The following EGF variants were observed in gnomAD, a reference collection of about 807,000 sequenced individuals.
EGF encodes the protein pro-epidermal growth factor.
EGF carries 95 observed loss-of-function variants against 143.8 expected under a neutral mutation model. That is an observed-to-expected ratio of 0.66 (90% CI 0.56 to 0.78). The LOEUF is 0.78. Among genes scored for constraint, EGF ranks in the 30% least tolerant of loss-of-function variants. The pLI is 0.00. For synonymous variants in EGF, 510 were observed against 510.5 expected, an observed-to-expected ratio of 1.00 and a Z score of 0.01; for missense variants, 1,320 against 1,470.9, an observed-to-expected ratio of 0.90 and a Z score of 1.68.
chr4:109,962,160 C>CT (rs1745808160), intron 8 of EGF, among the ~76,000 whole-genome samples, 175 bp downstream of exon 8: 6 of 152,120 alleles, frequency 3.9e-5, no homozygotes, highest in Admixed American at 2.0e-4. Flanking sequence ...GGGTTTTTGG[C>CT]TTTTTTGTTT....
At chr4:109,970,195 G>A (rs1178096776) in intron 11 of EGF, among the ~76,000 whole-genome samples, 1 of 152,172 alleles carries the variant, frequency 6.6e-6, no homozygotes, top group African/African-American at 2.4e-5. Flanking sequence ...ATGGCAGGAA[G>A]CAGGAAGGAA....
chr4:109,913,693 T>C (rs549158162), intron 1 of EGF, among the ~76,000 whole-genome samples: 1 of 152,242 alleles, frequency 6.6e-6, no homozygotes, highest in Admixed American at 6.5e-5. Context: ...TATAAGTGAA[T>C]GAATATGCCT....
At chr4:109,916,517 G>A (rs1254629985) in intron 1 of EGF, among the ~76,000 whole-genome samples, 2 of 152,048 alleles carry the variant, frequency 1.3e-5, no homozygotes, top group African/African-American at 2.4e-5. Flanking sequence ...TTGCGTTAAT[G>A]TATTCATTTT....
chr4:110,004,230 ACACACACACACACACACACACAAACACAC>A, intron 21 of EGF: 1 of 460,420 alleles, frequency 2.2e-6, no homozygotes. Context: ...ACACACACAC[ACACACACACACACACACACACAAACACAC>A]ACACACCCTC....
At chr4:109,933,015 C>G (rs908988556) in intron 1 of EGF, among the ~76,000 whole-genome samples, 1 of 152,218 alleles carries the variant, frequency 6.6e-6, no homozygotes, top group Admixed American at 6.5e-5. Flanking sequence ...GTAGTGAAAA[C>G]TTGTTTCTGG....
chr4:109,940,776 G>A, intron 1 of EGF, 170 bp from the exon 2 acceptor site: 1 of 642,768 alleles, frequency 1.6e-6, no homozygotes, highest in Non-Finnish European at 2.7e-6. Flanking sequence ...ACAAAGTGGA[G>A]TGTGAATATC....
chr4:110,012,368 T>C lies in EGF; in HGVS notation c.*913T>C, dbSNP rs1578424741. ...AGCTTGCTGATGTTTCTGTTTTTCGTTTTTTTTTTTTTTCCGGAGAGAGGA... is the reference window on the plus strand; with the variant it reads ...AGCTTGCTGATGTTTCTGTTTTTCGCTTTTTTTTTTTTTCCGGAGAGAGGA... On this transcript the variant is annotated 3_prime_UTR_variant, in exon 24 of 24. Transcript: ENST00000265171. 1 of 39,628 alleles carries C rather than the reference T, an allele frequency of 2.5e-5. No homozygotes were observed. Among genetic ancestry groups the C allele is most frequent in the Admixed American group, 2.8e-4 (1 of 3,594 alleles). The allele number at this position is 39,628 out of a possible 1,614,324, so 2.5% of individuals were successfully genotyped here.
intron 14 of EGF, among the ~76,000 whole-genome samples, chr4:109,980,401 C>T (rs1309875352): frequency 1.3e-5 from 2 of 152,156 alleles, no homozygotes; most frequent in Non-Finnish European, 2.9e-5. Flanking sequence ...TGGGTTAAGG[C>T]AGGCAATTTA....
chr4:109,994,123 A>G (rs1751434784), intron 19 of EGF, among the ~76,000 whole-genome samples: 1 of 151,936 alleles, frequency 6.6e-6, no homozygotes, highest in Admixed American at 6.6e-5. Context: ...TCAGCTGCAC[A>G]TGTTTACCTT....
chr4:109,985,998 G>A (rs985745523), intron 16 of EGF, among the ~76,000 whole-genome samples: 1 of 151,842 alleles, frequency 6.6e-6, no homozygotes, highest in Non-Finnish European at 1.5e-5. Context: ...GATCAAAGGG[G>A]TTTTTTTTAA....
chr4:109,981,587 AT>A (rs1749367262), intron 15 of EGF, among the ~76,000 whole-genome samples: 1 of 152,238 alleles, frequency 6.6e-6, no homozygotes, highest in Non-Finnish European at 1.5e-5. Context: ...ATCCCTTGAT[AT>A]CTTTCTAGCA....
At chr4:109,942,539 A>G (rs1455433952) in intron 2 of EGF, among the ~76,000 whole-genome samples, 1 of 152,240 alleles carries the variant, frequency 6.6e-6, no homozygotes, top group Non-Finnish European at 1.5e-5. Context: ...TATTTACACC[A>G]TGAAAATCTT....
chr4:109,966,390 A>G (rs1304567479), intron 10 of EGF, among the ~76,000 whole-genome samples: 1 of 152,006 alleles, frequency 6.6e-6, no homozygotes, highest in Non-Finnish European at 1.5e-5. Flanking sequence ...ATTCTTTTTT[A>G]TGAGCAGTAT....
intron 15 of EGF, 152 bp downstream of exon 15, chr4:109,981,127 C>G: frequency 7.9e-7 from 1 of 1,267,888 alleles, no homozygotes; most frequent in Non-Finnish European, 1.1e-6. Context: ...TTTATTTGTT[C>G]TCTTCTGCTG....
chr4:109,988,461 G>A, intron 17 of EGF, 123 bp from the exon 18 acceptor site: 2 of 1,439,220 alleles, frequency 1.4e-6, no homozygotes, highest in Non-Finnish European at 9.7e-7. Flanking sequence ...GCCTGATGTT[G>A]GCAACAGCAC....
At chr4:109,999,928 A>G (rs888577762) in intron 21 of EGF, 82 bp downstream of exon 21, 4 of 1,577,786 alleles carry the variant, frequency 2.5e-6, no homozygotes, top group Non-Finnish European at 3.5e-6. Flanking sequence ...GATGAGATGT[A>G]TGAAATAGTA....
intron 10 of EGF, among the ~76,000 whole-genome samples, chr4:109,968,364 C>A (rs1221731697): frequency 6.6e-6 from 1 of 152,078 alleles, no homozygotes; most frequent in African/African-American, 2.4e-5. Context: ...CCAGTTTTGA[C>A]CTGCAGTGAC....
At chr4:109,963,470 A>G (rs1293791029) in intron 9 of EGF, among the ~76,000 whole-genome samples, 172 bp downstream of exon 9, 1 of 152,258 alleles carries the variant, frequency 6.6e-6, no homozygotes, top group African/African-American at 2.4e-5. Context: ...ACTAGTAACC[A>G]GGCTTTTAAA....
chr4:109,944,123 A>T, intron 4 of EGF, 54 bp downstream of exon 4: 1 of 1,547,898 alleles, frequency 6.5e-7, no homozygotes, highest in Non-Finnish European at 8.9e-7. Context: ...AGTCCACAAG[A>T]TAAATTAATT....
Sources: gnomAD v4.1 joint callset for allele counts (sites outside exome capture counted in the v4.1 genomes callset) on GRCh38, gnomAD v4.1.1 for gene constraint, MANE v1.5 for transcripts, NCBI Gene and HGNC (gene_info 2026-07-23, HGNC 2026-07-21) for gene names.